Variants in APBA3 observed in about 807,000 individuals in gnomAD.
The protein encoded by APBA3 is amyloid beta precursor protein binding family A member 3, also known as amyloid-beta A4 precursor protein-binding family A member 3.
In APBA3, 45 loss-of-function variants were observed where a neutral mutation model predicts 55.9. That is an observed-to-expected ratio of 0.80 (90% CI 0.63 to 1.03). The LOEUF (loss-of-function observed/expected upper bound fraction) is 1.03. APBA3 is among the 50% of genes least tolerant of loss of function. The probability of loss-of-function intolerance (pLI) is 0.00; values close to 1 mark genes in which losing one functional copy is unlikely to be tolerated. For synonymous variants in APBA3, 370 were observed against 353.3 expected (o/e 1.05, Z -0.53); for missense variants, 865 against 820.3 (o/e 1.05, Z -0.67).
rs2037128239 is a variant in APBA3, at chr19:3,760,192, G to T, written c.73C>A (p.Leu25Ile). The change falls in exon 2 of 11, where the codon CTT becomes ATT. Residue 25 changes from leucine (L) to isoleucine (I), a missense_variant. Transcript: ENST00000316757. ...AMDLEGPRDI[L>I]VPSEDLTPDS... The stretch of plus-strand genomic sequence containing the variant: ...GGGGTGAGGTCCTCCGAAGGCACAA[G>T]AATGTCCCTGGGCCCCTCCAAGTCC... The T allele has an allele frequency of 1.2e-6, 2 of 1,612,840 alleles. No homozygotes were observed. Among genetic ancestry groups the T allele is most frequent in the Non-Finnish European group, 1.7e-6 (2 of 1,180,004 alleles).
chr19:3,754,667 T>TC (rs2037054894), intron 3 of APBA3: 1 of 272,530 alleles, frequency 3.7e-6, no homozygotes, highest in Non-Finnish European at 6.9e-6. Flanking sequence ...AACCAGACAG[T>TC]CCCACTCCTG....
Position 3,751,318 on chromosome 19 carries a change from G to C in APBA3, c.1527C>G (p.Leu509=), listed in dbSNP as rs781647381. 2.7e-5 allele frequency: 42 copies of C among 1,537,042 alleles called. No homozygotes were observed. Among genetic ancestry groups the C allele is most frequent in the Non-Finnish European group, 1.7e-6 (2 of 1,144,934 alleles). ...CACGCTCGGCGATGCCACCACGGAG[G>C]AGGCTGCAGATCTGGGGGAGAAAAG... ...FCVEDGIICS[L]LRGGIAERGG... Residue 509 remains leucine, a synonymous_variant, in exon 10 of 11, where the codon CTC becomes CTG. Transcript: ENST00000316757.
chr19:3,754,476 A>G (rs1367907086), intron 3 of APBA3, 136 bp from the exon 4 acceptor site: 2 of 1,211,026 alleles, frequency 1.7e-6, no homozygotes, highest in Non-Finnish European at 2.3e-6. Context: ...CAGGAAGCAC[A>G]GCCCACTGTT....
chr19:3,759,244 C>A (rs1025957321), intron 3 of APBA3, among the ~76,000 whole-genome samples: 3 of 152,144 alleles, frequency 2.0e-5, no homozygotes, highest in Non-Finnish European at 2.9e-5. Context: ...AAGCCCCAAA[C>A]GCAAAAACCA....
Position 3,751,228 on chromosome 19 carries a change from G to C in APBA3, c.1617C>G (p.His539Gln), listed in dbSNP as rs1165993757. 5 of 1,548,824 alleles carry C rather than the reference G, an allele frequency of 3.2e-6. No homozygotes were observed. The highest frequency in any genetic ancestry group is 1.9e-5 in the Admixed American group (1 of 51,340). Residue 539 changes from histidine to glutamine, a missense_variant, in exon 10 of 11, where the codon CAC (histidine) becomes CAG (glutamine). By Grantham distance (24) the His-to-Gln change is conservative. Coordinates refer to ENST00000316757, the MANE Select transcript of APBA3 (RefSeq NM_004886.4). ...INGQSVVATP[H>Q]ARIIELLTEA... Reference sequence around the variant, plus strand: ...CGGTGAGCAGCTCGATGATGCGGGCGTGTGGCGTGGCCACCACACTCTGCC... The same window carrying C: ...CGGTGAGCAGCTCGATGATGCGGGCCTGTGGCGTGGCCACCACACTCTGCC...
chr19:3,752,672 C>A lies in APBA3; in HGVS notation c.1231G>T (p.Glu411Ter). 6.3e-7 allele frequency: 1 copy of A among 1,592,610 alleles called. No individual in the cohort carries two copies. The stretch of plus-strand genomic sequence containing the variant: ...GGCAGCAGGGAGCCCCAGCCCGACT[C>A]CACCAGGGCCACGCCCAGGCCCTCC... Reference protein sequence around the residue: ...RGEGLGVALVESGWGSLLPTA... With the variant: ...RGEGLGVALV The change falls in exon 8 of 11, where the codon GAG becomes TAG. Residue 411 changes from glutamate to a stop codon, truncating the protein, a stop_gained. Coordinates refer to ENST00000316757, the MANE Select transcript of APBA3 (RefSeq NM_004886.4). LOFTEE classifies it high-confidence loss of function.
chr19:3,756,324 C>G (rs1293308465), intron 3 of APBA3: 2 of 151,612 alleles, frequency 1.3e-5, no homozygotes, highest in African/African-American at 2.4e-5. Context: ...ACTAAAAATA[C>G]CAAAATTAGC....
At position 3,753,172 on chromosome 19, in the gene APBA3, G is replaced by C. The variant is rs1027602420; in HGVS notation, c.1012-182C>G. 5.8e-6 allele frequency: 4 copies of C among 694,892 alleles called. No individual in the cohort carries two copies. In the South Asian group the frequency reaches 7.7e-5, roughly 13 times the overall value. 43.0% of individuals were successfully genotyped at this position (694,892 alleles called of 1,614,324 possible). ...GACAGCCGCATCTTGGGGAATCTAC[G>C]GGGAGAAGGAAGGGGAGGGGCAGCC... On this transcript the variant is annotated intron_variant, in intron 6 of 10. Coordinates refer to ENST00000316757, the MANE Select transcript of APBA3 (RefSeq NM_004886.4).
chr19:3,759,566 T>TG lies in APBA3; in HGVS notation c.610dup (p.Gln204ProfsTer8). On this transcript the variant is annotated frameshift_variant, in exon 3 of 11. Transcript: ENST00000316757. LOFTEE classifies it high-confidence loss of function. Reference sequence around the variant, plus strand: ...AGGGTGGGCGGGACACTCACCCTCCTGGGGGGCAGGGTAGGAAGCCAGGGT... The same window carrying TG: ...AGGGTGGGCGGGACACTCACCCTCCTGGGGGGGCAGGGTAGGAAGCCAGGGT... The TG allele has an allele frequency of 1.9e-6, 3 of 1,598,392 alleles. No homozygotes were observed. The highest frequency in any genetic ancestry group is 8.5e-7 in the Non-Finnish European group (1 of 1,174,214).
rs770149370 is a variant in APBA3, at chr19:3,753,999, G to A, written c.849+20C>T. 3.7e-6 allele frequency: 6 copies of A among 1,600,244 alleles called. No individual in the cohort carries two copies. In the South Asian group the frequency reaches 5.6e-5, roughly 15 times the overall value. On this transcript the variant is annotated intron_variant, in intron 5 of 10. Transcript: ENST00000316757. The stretch of plus-strand genomic sequence containing the variant: ...TCGATCACCCCACCCGCATCCCTGG[G>A]GCGGGTCCCTGCCCCGTACCTGGGA...
At chr19:3,754,392 T>C in intron 3 of APBA3, 52 bp from the exon 4 acceptor site, 1 of 1,523,926 alleles carries the variant, frequency 6.6e-7, no homozygotes, top group Non-Finnish European at 8.8e-7. Flanking sequence ...TCCCACAGGC[T>C]CTGCCCCAGG....
In APBA3 at chr19:3,751,191, C is replaced by T. The variant is rs368800499; in HGVS notation, c.1654G>A (p.Glu552Lys). Reference protein sequence around the residue: ...IIELLTEAYGEVHIKTMPAAT... With the variant: ...IIELLTEAYGKVHIKTMPAAT... The stretch of plus-strand genomic sequence containing the variant: ...GCCACCACCCACCACCCGCACACCT[C>T]GCCATAGGCCTCGGTGAGCAGCTCG... The change falls in exon 10 of 11, where the codon GAG becomes AAG. Residue 552 changes from glutamate to lysine, a missense_variant and splice_region_variant. Transcript: ENST00000316757. 260 of 1,551,834 alleles carry T rather than the reference C, an allele frequency of 1.7e-4. No individual in the cohort carries two copies. Among genetic ancestry groups the T allele is most frequent in the Non-Finnish European group, 2.0e-4 (228 of 1,148,312 alleles).
At chr19:3,753,423 G>A (rs1294810822) in intron 6 of APBA3, 6 of 351,822 alleles carry the variant, frequency 1.7e-5, no homozygotes, top group Admixed American at 4.4e-5. Flanking sequence ...TGGGTGGATC[G>A]CTTGAGCCCA....
chr19:3,757,735 T>C (rs142249503), intron 3 of APBA3, among the ~76,000 whole-genome samples: 200 of 152,252 alleles, frequency 1.3e-3, no homozygotes, highest in Non-Finnish European at 2.3e-3. Context: ...CCAGAAATTG[T>C]TCTTCCCATG....
At chr19:3,757,524 G>C (rs2037092834) in intron 3 of APBA3, among the ~76,000 whole-genome samples, 1 of 152,166 alleles carries the variant, frequency 6.6e-6, no homozygotes, top group African/African-American at 2.4e-5. Context: ...ACAAGGTCAG[G>C]AGTTTGAGAC....
chr19:3,759,451 G>A (rs2037116669), intron 3 of APBA3, 110 bp downstream of exon 3: 1 of 1,122,380 alleles, frequency 8.9e-7, no homozygotes, highest in Non-Finnish European at 1.3e-6. Context: ...CACCCTCAGA[G>A]GCTCCCGAGA....
Position 3,754,060 on chromosome 19 carries a change from C to T in APBA3, c.808G>A (p.Val270Ile), listed in dbSNP as rs146035497. The T allele has an allele frequency of 5.9e-5, 95 of 1,610,936 alleles. No homozygotes were observed. Among genetic ancestry groups the T allele is most frequent in the African/African-American group, 2.0e-4 (15 of 74,844 alleles). The change falls in exon 5 of 11, where the codon GTC becomes ATC. Residue 270 changes from valine to isoleucine, a missense_variant. Transcript: ENST00000316757. ...AAGACCTTGATCCTCTTGGTGGAGA[C>T]GAACAGGTCCACCTCCGTCATGGGC... ...TQPMTEVDLF[V>I]STKRIKVLTA...
At chr19:3,754,435 T>G (rs1299182747) in intron 3 of APBA3, 95 bp from the exon 4 acceptor site, 26 of 1,470,638 alleles carry the variant, frequency 1.8e-5, no homozygotes, top group Admixed American at 2.7e-5. Flanking sequence ...GGAGACACAG[T>G]GTTCTAGCTG....
rs34868972 is a variant in APBA3, at chr19:3,753,876, G to C, written c.900C>G (p.Ile300Met). 4 of 1,562,432 alleles carry C rather than the reference G, an allele frequency of 2.6e-6. No individual in the cohort carries two copies. In the South Asian group the frequency reaches 4.7e-5, roughly 18 times the overall value. The stretch of plus-strand genomic sequence containing the variant: ...GCGCCATCAGCACCAGCACGCAGCC[G>C]ATGTCGGCTGTGTAGGAGATGGTAT... ...ALHTISYTAD[I>M]GCVLVLMARR... is the part of the protein sequence containing the mutation. Residue 300 changes from isoleucine (I) to methionine (M), a missense_variant, in exon 6 of 11, where the codon ATC becomes ATG. Ile to Met is a conservative substitution (Grantham distance 10). Transcript: ENST00000316757.
Sources: allele counts gnomAD v4.1 joint callset (sites outside exome capture counted in the v4.1 genomes callset), GRCh38; gene constraint gnomAD v4.1.1; transcripts MANE v1.5; gene names NCBI Gene and HGNC (gene_info 2026-07-23, HGNC 2026-07-21).